The following KAZN variants were observed in gnomAD, a reference collection of about 807,000 sequenced individuals.
KAZN encodes kazrin, periplakin interacting protein, also known as kazrin.
A neutral mutation model predicts 87.4 loss-of-function variants in KAZN; 40 were observed. That is an observed-to-expected ratio of 0.46 (90% CI 0.36 to 0.60). The LOEUF (loss-of-function observed/expected upper bound fraction) is 0.60. Among genes scored for constraint, KAZN ranks in the 20% least tolerant of loss-of-function variants. The pLI is 0.00. For synonymous variants in KAZN, 466 were observed against 458.3 expected (o/e 1.02, Z -0.22); for missense variants, 898 against 1,073.9 (o/e 0.84, Z 2.29).
chr1:14,168,328 C>T (rs1005157032), intron 1 of KAZN, among the ~76,000 whole-genome samples: 1 of 152,172 alleles, frequency 6.6e-6, no homozygotes, highest in Non-Finnish European at 1.5e-5. Flanking sequence ...GCCCGTGGAA[C>T]AAGGCATGGT....
intron 1 of KAZN, among the ~76,000 whole-genome samples, chr1:14,076,497 G>A (rs1464963377): frequency 6.6e-6 from 1 of 152,102 alleles, no homozygotes; most frequent in Admixed American, 6.5e-5. Flanking sequence ...CAGACTTACA[G>A]CCTCCAGAAC....
chr1:14,872,633 TC>T (rs1652266771), intron 1 of KAZN, among the ~76,000 whole-genome samples: 1 of 152,248 alleles, frequency 6.6e-6, no homozygotes, highest in Non-Finnish European at 1.5e-5. Context: ...GGGCCTGAAA[TC>T]CTTAAAATGG....
At position 14,086,148 on chromosome 1, in the gene KAZN, A is replaced by G. The variant is rs150165817; in HGVS notation, c.92-94287A>G. On this transcript the variant is annotated intron_variant, in intron 1 of 16. Transcript: ENST00000636203. ...GGAGTTCTTCATATATTTTGGACGC[A>G]AATCTCTTATCAAATATACATCTTG... is the stretch of plus-strand genomic sequence containing the variant. Among the ~76,000 whole-genome samples the G allele has an allele frequency of 6.5e-3, 990 of 152,238 alleles. 10 individuals are homozygous for G. The South Asian group carries it at 0.066, about 10-fold the overall frequency.
chr1:14,738,027 G>A (rs1290838295), intron 1 of KAZN, among the ~76,000 whole-genome samples: 2 of 152,194 alleles, frequency 1.3e-5, no homozygotes, highest in African/African-American at 2.4e-5. Flanking sequence ...GGTACACCAG[G>A]AGAGGAAATC....
chr1:15,026,595 C>G (rs1180440074), intron 2 of KAZN, among the ~76,000 whole-genome samples: 2 of 152,144 alleles, frequency 1.3e-5, no homozygotes, highest in Admixed American at 1.3e-4. Flanking sequence ...TCCCAAAATG[C>G]TCAAGGTCAG....
At chr1:14,918,159 G>A (rs545295165) in intron 1 of KAZN, among the ~76,000 whole-genome samples, 1 of 152,272 alleles carries the variant, frequency 6.6e-6, no homozygotes, top group East Asian at 1.9e-4. Flanking sequence ...TTAAAGGCAT[G>A]AGCCACTGCG....
At chr1:14,118,798 C>T (rs1644686452) in intron 1 of KAZN, among the ~76,000 whole-genome samples, 1 of 152,122 alleles carries the variant, frequency 6.6e-6, no homozygotes, top group South Asian at 2.1e-4. Context: ...TGGATTGCAA[C>T]ACTAATTAGG....
At chr1:14,327,125 T>C (rs1419398849) in intron 2 of KAZN, among the ~76,000 whole-genome samples, 1 of 152,224 alleles carries the variant, frequency 6.6e-6, no homozygotes, top group Non-Finnish European at 1.5e-5. Context: ...AGTTAACAAG[T>C]GTGCCTCAAG....
chr1:15,076,693 T>C (rs907243277), intron 8 of KAZN, among the ~76,000 whole-genome samples: 1 of 152,196 alleles, frequency 6.6e-6, no homozygotes, highest in Admixed American at 6.5e-5. Flanking sequence ...AATGGGCCCC[T>C]GGGAATCTTG....
chr1:14,983,813 G>A (rs1666506988), intron 2 of KAZN, among the ~76,000 whole-genome samples: 2 of 151,968 alleles, frequency 1.3e-5, no homozygotes, highest in Non-Finnish European at 2.9e-5. Flanking sequence ...GTGGTGGCAC[G>A]CTTCTGTAAT....
At chr1:13,997,990 ACCGACAAAGGG>A (rs1639606578) in intron 1 of KAZN, among the ~76,000 whole-genome samples, 1 of 152,218 alleles carries the variant, frequency 6.6e-6, no homozygotes, top group Non-Finnish European at 1.5e-5. Flanking sequence ...AGGCCAGGTC[ACCGACAAAGGG>A]AAGCTCATTA....
chr1:14,730,063 T>C (rs1175206388), intron 1 of KAZN, among the ~76,000 whole-genome samples: 2 of 151,964 alleles, frequency 1.3e-5, no homozygotes, highest in African/African-American at 4.8e-5. Flanking sequence ...ACAGAAAGAG[T>C]TTGCTGGTCC....
chr1:14,259,656 C>T (rs559732205), intron 2 of KAZN, among the ~76,000 whole-genome samples: 4 of 152,300 alleles, frequency 2.6e-5, no homozygotes, highest in South Asian at 4.1e-4. Context: ...CTAGTAACCC[C>T]GGACATGAGA....
At chr1:14,678,505 G>A (rs944836451) in intron 1 of KAZN, among the ~76,000 whole-genome samples, 4 of 152,140 alleles carry the variant, frequency 2.6e-5, no homozygotes, top group African/African-American at 7.2e-5. Flanking sequence ...GCTTGCAGGC[G>A]GCCTATCGTG....
At chr1:15,065,540 C>T in intron 7 of KAZN, 90 bp from the exon 8 acceptor site, 2 of 1,181,170 alleles carry the variant, frequency 1.7e-6, no homozygotes, top group Non-Finnish European at 1.2e-6. Context: ...CTTCCCCACC[C>T]CGGATCCCAT....
chr1:14,934,581 C>A (rs2101599452), intron 1 of KAZN, among the ~76,000 whole-genome samples: 1 of 152,322 alleles, frequency 6.6e-6, no homozygotes. Context: ...CAGAAGGGCA[C>A]CTGCTGCTTA....
At chr1:15,080,000 G>C (rs1639922807) in intron 8 of KAZN, among the ~76,000 whole-genome samples, 1 of 152,202 alleles carries the variant, frequency 6.6e-6, no homozygotes, top group Non-Finnish European at 1.5e-5. Flanking sequence ...CATAAACTTA[G>C]AGAATACTTG....
intron 2 of KAZN, among the ~76,000 whole-genome samples, chr1:14,552,963 C>T (rs997822064): frequency 1.1e-4 from 17 of 152,036 alleles, no homozygotes; most frequent in African/African-American, 3.9e-4. Flanking sequence ...CAACTGCAGC[C>T]CATCAAACTG....
chr1:14,245,299 T>TAC (rs554462965), intron 2 of KAZN, among the ~76,000 whole-genome samples: 1 of 152,156 alleles, frequency 6.6e-6, no homozygotes, highest in South Asian at 2.1e-4. Flanking sequence ...GTAGTGTGTG[T>TAC]ACACACACAC....
Sources: gnomAD v4.1 joint callset for allele counts (sites outside exome capture counted in the v4.1 genomes callset) on GRCh38, gnomAD v4.1.1 for gene constraint, MANE v1.5 for transcripts, NCBI Gene and HGNC (gene_info 2026-07-23, HGNC 2026-07-21) for gene names.